Variants in SPIRE1 observed in about 807,000 individuals in gnomAD.
SPIRE1 encodes the protein protein spire homolog 1.
In SPIRE1, 40 loss-of-function variants were observed where a neutral mutation model predicts 94.1. The observed-to-expected ratio is 0.43, with a 90% confidence interval of 0.33 to 0.55. SPIRE1 has a LOEUF of 0.55. Among genes scored for constraint, SPIRE1 ranks in the 20% least tolerant of loss-of-function variants. SPIRE1 has a pLI of 0.06. For missense variants in SPIRE1, 838 were observed against 975.2 expected, an observed-to-expected ratio of 0.86 and a Z score of 1.87; for synonymous variants, 376 against 371.7, an observed-to-expected ratio of 1.01 and a Z score of -0.13.
chr18:12,594,641 G>C (rs2036621781), intron 2 of SPIRE1, among the ~76,000 whole-genome samples: 1 of 152,096 alleles, frequency 6.6e-6, no homozygotes, highest in Non-Finnish European at 1.5e-5. Context: ...TTTTTCCTTT[G>C]CTTTTGCTTA....
intron 13 of SPIRE1, among the ~76,000 whole-genome samples, chr18:12,454,109 C>T (rs755497404): frequency 5.3e-5 from 8 of 152,050 alleles, no homozygotes; most frequent in Non-Finnish European, 1.2e-4. Context: ...GAAGACATAT[C>T]GATATTTGTT....
intron 5 of SPIRE1, among the ~76,000 whole-genome samples, chr18:12,512,105 C>T (rs1270065899): frequency 2.0e-5 from 3 of 152,250 alleles, no homozygotes; most frequent in South Asian, 2.1e-4. Context: ...TGGCTCATGC[C>T]TGTAATCCCA....
rs754047127 is a variant in SPIRE1, at chr18:12,452,296, T to C, written c.1971A>G (p.Lys657=). The change falls in exon 16 of 17, where the codon AAA becomes AAG. Residue 657 remains lysine (K), a synonymous_variant. Transcript: ENST00000409402. The stretch of plus-strand genomic sequence containing the variant: ...GTGGCCGATGATGGGCAGTGGAGGG[T>C]TTTTCTGACCTCATACTACTTTCCC... ...QRGESSMRSE[K]PSTAHHRPLR... 1 of 1,613,394 alleles carries C rather than the reference T, an allele frequency of 6.2e-7. No homozygotes were observed. The highest frequency in any genetic ancestry group is 8.5e-7 in the Non-Finnish European group (1 of 1,179,904).
chr18:12,453,800 T>G (rs1416870429), intron 13 of SPIRE1, among the ~76,000 whole-genome samples: 1 of 152,062 alleles, frequency 6.6e-6, no homozygotes, highest in African/African-American at 2.4e-5. Flanking sequence ...ATGGCTTTTT[T>G]ATTGAGACGG....
chr18:12,472,367 CTTT>C (rs964687204), intron 10 of SPIRE1, among the ~76,000 whole-genome samples: 18 of 134,950 alleles, frequency 1.3e-4, no homozygotes, highest in East Asian at 2.1e-4. Context: ...ATGCCCTGTG[CTTT>C]TTTTTTTTTT....
intron 1 of SPIRE1, among the ~76,000 whole-genome samples, chr18:12,655,688 T>G (rs1381700431): frequency 6.8e-6 from 1 of 146,286 alleles, no homozygotes; most frequent in African/African-American, 2.4e-5. Flanking sequence ...CAACATAAGA[T>G]TCAGACCAAA....
chr18:12,521,579 C>T (rs1428993302), intron 4 of SPIRE1, among the ~76,000 whole-genome samples: 1 of 152,062 alleles, frequency 6.6e-6, no homozygotes, highest in Non-Finnish European at 1.5e-5. Flanking sequence ...AGTGATCTGC[C>T]CGCCTCAGCC....
chr18:12,487,402 CTTTTTTT>C (rs35743856), intron 8 of SPIRE1, among the ~76,000 whole-genome samples: 4 of 132,688 alleles, frequency 3.0e-5, no homozygotes, highest in African/African-American at 8.1e-5. Flanking sequence ...TATTTTCTTT[CTTTTTTT>C]TTTTTTTTTG....
intron 2 of SPIRE1, among the ~76,000 whole-genome samples, chr18:12,603,341 C>T (rs927637777): frequency 1.3e-5 from 2 of 152,202 alleles, no homozygotes; most frequent in African/African-American, 4.8e-5. Flanking sequence ...TTTTGAAATA[C>T]ATATTTGGTC....
At chr18:12,548,604 C>CTTTTTTTTTTTTTT (rs59811774) in intron 2 of SPIRE1, among the ~76,000 whole-genome samples, 1 of 144,258 alleles carries the variant, frequency 6.9e-6, no homozygotes. Flanking sequence ...TCTTTTCTTT[C>CTTTTTTTTTTTTTT]TTTTTTTTTT....
In SPIRE1 at chr18:12,447,707, A is replaced by G. The variant is rs2031009644; in HGVS notation, c.*1931T>C. The G allele has an allele frequency of 6.6e-6, 1 of 152,158 alleles. No individual in the cohort carries two copies. The highest frequency in any genetic ancestry group is 1.5e-5 in the Non-Finnish European group (1 of 68,034). The allele number at this position is 152,158 out of a possible 1,614,324, so 9.4% of individuals were successfully genotyped here. On this transcript the variant is annotated 3_prime_UTR_variant, in exon 17 of 17. Transcript: ENST00000409402. ...AAGTGAAGTGAAAGACATGTACTAGATGTTTGCTTTGTGAATGTGAATGAA... is the reference window on the plus strand; with the variant it reads ...AAGTGAAGTGAAAGACATGTACTAGGTGTTTGCTTTGTGAATGTGAATGAA...
chr18:12,509,802 G>C (rs1363396563), intron 5 of SPIRE1, among the ~76,000 whole-genome samples: 3 of 152,140 alleles, frequency 2.0e-5, no homozygotes, highest in Admixed American at 2.0e-4. Flanking sequence ...GTACATACCA[G>C]CTGGGTGCGG....
Position 12,657,556 on chromosome 18 carries a change from T to C in SPIRE1, c.311A>G (p.Asp104Gly). 2 of 1,236,118 alleles carry C rather than the reference T, an allele frequency of 1.6e-6. No individual in the cohort carries two copies. The highest frequency in any genetic ancestry group is 2.0e-6 in the Non-Finnish European group (2 of 990,438). 76.6% of individuals were successfully genotyped at this position (1,236,118 alleles called of 1,614,324 possible). A position where few individuals can be genotyped will look rare whatever the true frequency, so the allele number is the denominator to read the frequency against. The change falls in exon 1 of 17, where the codon GAC becomes GGC. Residue 104 changes from aspartate (D) to glycine (G), a missense_variant. This residue lies in a region of SPIRE1 where 193 missense variants were observed against 170.5 expected (regional missense o/e 1.13). Transcript: ENST00000409402. ...CGCAACTGGGGGCGGCTCTCCCGCG[T>C]CGTCGGCCGCGGGCGCCAGGGTGAC... ...GAVTLAPAAD[D>G]AGEPPPVAGK... is the part of the protein sequence containing the mutation.
At chr18:12,560,064 G>C (rs1222371287) in intron 2 of SPIRE1, among the ~76,000 whole-genome samples, 1 of 152,154 alleles carries the variant, frequency 6.6e-6, no homozygotes, top group Admixed American at 6.5e-5. Flanking sequence ...AGTTAAAATG[G>C]CTTCTATCTA....
chr18:12,520,305 G>A (rs1030451379), intron 4 of SPIRE1, among the ~76,000 whole-genome samples: 4 of 151,924 alleles, frequency 2.6e-5, no homozygotes, highest in African/African-American at 9.7e-5. Context: ...AAAATAGAAG[G>A]GTACAATTTA....
chr18:12,486,003 G>GA lies in SPIRE1; in HGVS notation c.1190-4dup. Reference sequence around the variant, plus strand: ...AGACATGCTAAGTGGCCGCATTGCTGAAAAAAAGAAAACAAACAATAAAAA... The same window carrying GA: ...AGACATGCTAAGTGGCCGCATTGCTGAAAAAAAAGAAAACAAACAATAAAAA... On this transcript the variant is annotated splice_region_variant and splice_polypyrimidine_tract_variant and intron_variant, in intron 8 of 16. Coordinates refer to ENST00000409402, the MANE Select transcript of SPIRE1 (RefSeq NM_001128626.2). The GA allele has an allele frequency of 6.6e-7, 1 of 1,514,152 alleles. No individual in the cohort carries two copies. The highest frequency in any genetic ancestry group is 2.6e-5 in the Admixed American group (1 of 39,040). 93.8% of individuals were successfully genotyped at this position (1,514,152 alleles called of 1,614,324 possible). A position where few individuals can be genotyped will look rare whatever the true frequency, so the allele number is the denominator to read the frequency against.
rs369792632 is a variant in SPIRE1, at chr18:12,525,150, G to A, written c.729+10326C>T. Reference sequence around the variant, plus strand: ...AAATTAGCCGGGCGTGGTGGCGGGCGCCTATAGTCCCAGCTACTCAGGAGG... The same window carrying A: ...AAATTAGCCGGGCGTGGTGGCGGGCACCTATAGTCCCAGCTACTCAGGAGG... On this transcript the variant is annotated intron_variant, in intron 4 of 16. Transcript: ENST00000409402. 5.8e-4 allele frequency among the ~76,000 whole-genome samples: 88 copies of A among 151,022 alleles called. 1 individual carries two copies. The highest frequency in any genetic ancestry group is 2.0e-3 in the African/African-American group (84 of 41,254).
chr18:12,608,916 C>A (rs1361959359), intron 2 of SPIRE1, among the ~76,000 whole-genome samples: 1 of 152,102 alleles, frequency 6.6e-6, no homozygotes, highest in Non-Finnish European at 1.5e-5. Context: ...GCAGCAGTCC[C>A]CAATCTTTTT....
Position 12,585,708 on chromosome 18 carries a change from T to C in SPIRE1, c.373-38804A>G, listed in dbSNP as rs543787100. ...TACTAACATGTAAAAAGATGCTCAA[T>C]ATGTATTAGGATTAAAAAAGGTATG... On this transcript the variant is annotated intron_variant, in intron 2 of 16. Transcript: ENST00000409402. Among the ~76,000 whole-genome samples the C allele has an allele frequency of 9.9e-5, 15 of 152,282 alleles. No homozygotes were observed. In the South Asian group the frequency reaches 2.9e-3, roughly 29 times the overall value.
Sources: allele counts gnomAD v4.1 joint callset (sites outside exome capture counted in the v4.1 genomes callset), GRCh38; gene constraint gnomAD v4.1.1; regional missense constraint gnomAD v4.1.1; transcripts MANE v1.5; gene names NCBI Gene and HGNC (gene_info 2026-07-23, HGNC 2026-07-21).